Variants in CCDC141 observed in about 807,000 individuals in gnomAD.
CCDC141 encodes coiled-coil domain containing 141, also known as coiled-coil domain-containing protein 141.
A neutral mutation model predicts 181.0 loss-of-function variants in CCDC141; 168 were observed. That is an observed-to-expected ratio of 0.93 (90% CI 0.82 to 1.05). The LOEUF is 1.05. Among genes scored for constraint, CCDC141 ranks in the 50% least tolerant of loss-of-function variants. CCDC141 has a pLI of 0.00. For missense variants in CCDC141, 1,902 were observed against 1,788.5 expected, an observed-to-expected ratio of 1.06 and a Z score of -1.14; for synonymous variants, 666 against 642.3, an observed-to-expected ratio of 1.04 and a Z score of -0.56.
chr2:179,011,016 G>A (rs921524678), intron 2 of CCDC141, among the ~76,000 whole-genome samples: 1 of 152,046 alleles, frequency 6.6e-6, no homozygotes, highest in African/African-American at 2.4e-5. Flanking sequence ...AAATTAGCCA[G>A]GTGTGATGGC....
chr2:178,982,022 G>A (rs1013971298), intron 2 of CCDC141, among the ~76,000 whole-genome samples: 3 of 152,004 alleles, frequency 2.0e-5, no homozygotes, highest in Non-Finnish European at 4.4e-5. Flanking sequence ...ATGGCTCTAT[G>A]TCCACAAATT....
the CCDC141 span, among the ~76,000 whole-genome samples, chr2:178,816,376 G>A: frequency 2.7e-3 from 414 of 152,202 alleles, 2 homozygotes; most frequent in African/African-American, 8.8e-3. Flanking sequence ...TGCCTTAGTC[G>A]TGTACTTCTT....
intron 12 of CCDC141, 21 bp from the exon 13 acceptor site, chr2:178,872,333 A>G (rs1686156322): frequency 6.3e-7 from 1 of 1,582,698 alleles, no homozygotes; most frequent in East Asian, 2.2e-5. Flanking sequence ...AATAATTCAT[A>G]TAATAGCTTT....
intron 2 of CCDC141, among the ~76,000 whole-genome samples, chr2:179,014,311 A>G (rs1336931573): frequency 6.6e-6 from 1 of 152,214 alleles, no homozygotes; most frequent in African/African-American, 2.4e-5. Context: ...CTGAAACTAT[A>G]AAAATTCTAG....
intron 2 of CCDC141, among the ~76,000 whole-genome samples, chr2:179,003,622 C>T (rs572090283): frequency 7.2e-5 from 11 of 152,206 alleles, no homozygotes; most frequent in Admixed American, 7.2e-4. Flanking sequence ...TATTTATCAA[C>T]CACTTGTAGG....
intron 11 of CCDC141, among the ~76,000 whole-genome samples, chr2:178,882,981 T>C (rs944647266): frequency 1.8e-4 from 28 of 152,150 alleles, no homozygotes; most frequent in South Asian, 1.0e-3. Flanking sequence ...ATTGGAAGGA[T>C]GGAAGACTCT....
intron 2 of CCDC141, among the ~76,000 whole-genome samples, chr2:179,024,907 C>A (rs751245244): frequency 5.9e-5 from 9 of 151,980 alleles, no homozygotes; most frequent in Non-Finnish European, 1.0e-4. Context: ...ACTGCAAAAA[C>A]TTTTTAAAAA....
intron 2 of CCDC141, among the ~76,000 whole-genome samples, chr2:178,986,873 G>A (rs1423400864): frequency 0.012 from 1,771 of 151,550 alleles, 26 homozygotes; most frequent in African/African-American, 0.036. Context: ...AATCAATATC[G>A]TGAAAATGGC....
At chr2:178,817,658 G>A in the CCDC141 span, 1 of 425,712 alleles carries the variant, frequency 2.3e-6, no homozygotes, top group South Asian at 1.8e-5. Flanking sequence ...CACTTTCTAG[G>A]AACGTTAGAA....
At chr2:179,040,133 C>T (rs1355702143) in intron 2 of CCDC141, among the ~76,000 whole-genome samples, 1 of 152,056 alleles carries the variant, frequency 6.6e-6, no homozygotes, top group African/African-American at 2.4e-5. Flanking sequence ...TGGTTTGAGA[C>T]CTCATTTTCT....
chr2:178,843,983 C>A lies in CCDC141; in HGVS notation c.3474+1643G>T, dbSNP rs78671483. ...CACCCAAAATGACTGATGCTCCAAC[C>A]TTTTAGTTTGTATTAGAATAAAAGT... On this transcript the variant is annotated intron_variant, in intron 22 of 23. Transcript: ENST00000443758. 4.4e-3 allele frequency among the ~76,000 whole-genome samples: 670 copies of A among 152,244 alleles called. 4 individuals carry two copies. Among genetic ancestry groups the A allele is most frequent in the African/African-American group, 0.016 (650 of 41,540 alleles).
intron 5 of CCDC141, among the ~76,000 whole-genome samples, chr2:178,954,824 C>CAAAAAA (rs1559004786): frequency 6.6e-6 from 1 of 150,668 alleles, no homozygotes. Context: ...AAAAAAAAAC[C>CAAAAAA]AAAAAACTTT....
At chr2:179,011,119 T>C (rs540434960) in intron 2 of CCDC141, among the ~76,000 whole-genome samples, 3 of 151,976 alleles carry the variant, frequency 2.0e-5, no homozygotes, top group East Asian at 1.9e-4. Context: ...GATCACACCA[T>C]TGCACTCCAG....
intron 2 of CCDC141, among the ~76,000 whole-genome samples, chr2:179,015,317 CAT>C (rs2042447321): frequency 7.1e-6 from 1 of 140,984 alleles, no homozygotes; most frequent in Non-Finnish European, 1.5e-5. Context: ...ATACATATCT[CAT>C]ATATGTATCA....
intron 4 of CCDC141, among the ~76,000 whole-genome samples, chr2:178,973,987 G>A (rs529875176): frequency 6.6e-6 from 1 of 152,190 alleles, no homozygotes; most frequent in African/African-American, 2.4e-5. Flanking sequence ...ATTAGTGATA[G>A]GTCCTATAGA....
intron 2 of CCDC141, among the ~76,000 whole-genome samples, chr2:179,025,394 A>G (rs891565053): frequency 2.0e-5 from 3 of 152,092 alleles, no homozygotes; most frequent in Admixed American, 2.0e-4. Flanking sequence ...CTGTTCTCAT[A>G]TAGTGAATGA....
At chr2:178,888,955 C>A (rs1687017879) in intron 8 of CCDC141, among the ~76,000 whole-genome samples, 1 of 152,098 alleles carries the variant, frequency 6.6e-6, no homozygotes, top group African/African-American at 2.4e-5. Flanking sequence ...ATTTTGAAAA[C>A]CTTATGGCAA....
At chr2:178,979,054 C>A (rs1315574077) in intron 2 of CCDC141, among the ~76,000 whole-genome samples, 1 of 152,078 alleles carries the variant, frequency 6.6e-6, no homozygotes, top group African/African-American at 2.4e-5. Flanking sequence ...GAGAAACAAG[C>A]CCAGTAAAGC....
intron 6 of CCDC141, among the ~76,000 whole-genome samples, chr2:178,923,094 TTA>T (rs1491016412): frequency 1.7e-5 from 2 of 119,162 alleles, no homozygotes; most frequent in African/African-American, 7.0e-5. Context: ...TTCCACCAGT[TTA>T]TTTTTTTTTT....
Sources: allele counts gnomAD v4.1 joint callset (sites outside exome capture counted in the v4.1 genomes callset), GRCh38; gene constraint gnomAD v4.1.1; transcripts MANE v1.5; gene names NCBI Gene and HGNC (gene_info 2026-07-23, HGNC 2026-07-21).